Variants in TNKS2 observed in about 807,000 individuals in gnomAD.
TNKS2 encodes poly [ADP-ribose] polymerase tankyrase-2.
A neutral mutation model predicts 137.6 loss-of-function variants in TNKS2; 72 were observed. That is an observed-to-expected ratio of 0.52 (90% CI 0.43 to 0.64). The LOEUF is 0.64. Among genes scored for constraint, TNKS2 ranks in the 30% least tolerant of loss-of-function variants. TNKS2 has a pLI of 0.00. For synonymous variants in TNKS2, 516 were observed against 512.1 expected, an observed-to-expected ratio of 1.01 and a Z score of -0.10; for missense variants, 1,049 against 1,410.2, an observed-to-expected ratio of 0.74 and a Z score of 4.10.
intron 19 of TNKS2, 116 bp from the exon 20 acceptor site, chr10:91,849,396 G>A: frequency 1.4e-6 from 1 of 709,018 alleles, no homozygotes; most frequent in Non-Finnish European, 2.2e-6. Flanking sequence ...ATCCTAAGTG[G>A]CTATTAATAT....
At chr10:91,845,397 T>G (rs1262231444) in intron 17 of TNKS2, among the ~76,000 whole-genome samples, 1 of 152,226 alleles carries the variant, frequency 6.6e-6, no homozygotes, top group Non-Finnish European at 1.5e-5. Flanking sequence ...ACATTCAAAA[T>G]TGACCATCTT....
intron 21 of TNKS2, among the ~76,000 whole-genome samples, chr10:91,853,825 A>T (rs932940223): frequency 6.6e-6 from 1 of 152,196 alleles, no homozygotes; most frequent in African/African-American, 2.4e-5. Flanking sequence ...TTGAACCAGA[A>T]TAGTGCTCTT....
At chr10:91,799,994 A>G (rs10786018) in intron 1 of TNKS2, among the ~76,000 whole-genome samples, 105,808 of 151,992 alleles carry the variant, frequency 0.7, 37,915 homozygotes, top group East Asian at 0.91. Context: ...TTACTTTTAC[A>G]CTTTCTACCA....
At chr10:91,831,069 A>G in intron 10 of TNKS2, 34 bp from the exon 11 acceptor site, 1 of 1,612,802 alleles carries the variant, frequency 6.2e-7, no homozygotes, top group Middle Eastern at 1.7e-4. Flanking sequence ...TTTGGAAAAT[A>G]TATTCACTGT....
chr10:91,842,718 C>T (rs1842248167), intron 16 of TNKS2, among the ~76,000 whole-genome samples: 1 of 152,012 alleles, frequency 6.6e-6, no homozygotes. Context: ...ATGCAATAAG[C>T]CTTGATTGTG....
intron 13 of TNKS2, among the ~76,000 whole-genome samples, chr10:91,838,863 C>G (rs891382563): frequency 6.6e-6 from 1 of 151,998 alleles, no homozygotes; most frequent in East Asian, 1.9e-4. Flanking sequence ...TGGATATATT[C>G]TTTTTGTTTG....
intron 25 of TNKS2, among the ~76,000 whole-genome samples, 197 bp from the exon 26 acceptor site, chr10:91,861,798 GACTA>G (rs1275642358): frequency 9.2e-5 from 14 of 152,158 alleles, no homozygotes; most frequent in Non-Finnish European, 1.9e-4. Flanking sequence ...TTAAAATAAG[GACTA>G]ACTAAATTGA....
intron 1 of TNKS2, among the ~76,000 whole-genome samples, chr10:91,801,074 A>G (rs746444121): frequency 1.3e-5 from 2 of 152,186 alleles, no homozygotes; most frequent in Non-Finnish European, 2.9e-5. Context: ...TTAGCTGATT[A>G]AAGTTTGGAG....
intron 20 of TNKS2, 142 bp from the exon 21 acceptor site, chr10:91,851,074 A>G: frequency 8.8e-7 from 1 of 1,135,610 alleles, no homozygotes; most frequent in South Asian, 1.6e-5. Flanking sequence ...TCAGGTTCTT[A>G]TGCTAAATGG....
At chr10:91,807,468 A>G in intron 1 of TNKS2, 1 of 1,602,952 alleles carries the variant, frequency 6.2e-7, no homozygotes, top group Non-Finnish European at 8.5e-7. Flanking sequence ...AGTAAAGAGA[A>G]GCAAGGCCTC....
intron 6 of TNKS2, among the ~76,000 whole-genome samples, chr10:91,820,373 G>C (rs1306297283): frequency 6.6e-6 from 1 of 152,226 alleles, no homozygotes; most frequent in Admixed American, 6.5e-5. Flanking sequence ...CCCTCAGAAT[G>C]AGGTGTGACT....
intron 13 of TNKS2, 91 bp from the exon 14 acceptor site, chr10:91,840,470 C>A: frequency 8.6e-7 from 1 of 1,165,264 alleles, no homozygotes; most frequent in Non-Finnish European, 1.2e-6. Context: ...GAAAATAAGT[C>A]AGACACTTTG....
chr10:91,826,269 C>T (rs1436716560), intron 7 of TNKS2, among the ~76,000 whole-genome samples: 1 of 152,160 alleles, frequency 6.6e-6, no homozygotes, highest in Non-Finnish European at 1.5e-5. Flanking sequence ...CTTGTGTCGT[C>T]ATGTCGGTAT....
intron 21 of TNKS2, 114 bp from the exon 22 acceptor site, chr10:91,854,915 G>GT (rs1323085275): frequency 4.4e-6 from 2 of 459,160 alleles, no homozygotes; most frequent in Non-Finnish European, 7.4e-6. Flanking sequence ...AAAAAAAAAA[G>GT]TTTAAAAAAA....
Position 91,822,329 on chromosome 10 carries a change from T to G in TNKS2, c.762T>G (p.Tyr254Ter). The G allele has an allele frequency of 6.2e-7, 1 of 1,613,640 alleles. No homozygotes were observed. Among genetic ancestry groups the G allele is most frequent in the Non-Finnish European group, 8.5e-7 (1 of 1,179,758 alleles). ...DLVPLHNACS[Y>*]GHYEVTELLV... Reference sequence around the variant, plus strand: ...TACCATTACACAATGCCTGTTCTTATGGTCATTATGAAGTAACTGAACTTT... The same window carrying G: ...TACCATTACACAATGCCTGTTCTTAGGGTCATTATGAAGTAACTGAACTTT... The change falls in exon 7 of 27, where the codon TAT (tyrosine) becomes TAG (stop). Residue 254 changes from tyrosine to a stop codon, truncating the protein, a stop_gained. Coordinates refer to ENST00000371627, the MANE Select transcript of TNKS2 (RefSeq NM_025235.4). LOFTEE classifies it high-confidence loss of function.
At chr10:91,815,865 G>C (rs192037403) in intron 2 of TNKS2, among the ~76,000 whole-genome samples, 2 of 151,418 alleles carry the variant, frequency 1.3e-5, no homozygotes, top group East Asian at 3.9e-4. Flanking sequence ...TCTTCCTCCA[G>C]CTCCTTATTT....
chr10:91,859,638 A>G lies in TNKS2; in HGVS notation c.3271A>G (p.Ile1091Val). 6.2e-7 allele frequency: 1 copy of G among 1,611,280 alleles called. No individual in the cohort carries two copies. ...AGTTCACAAAGACAGATCTTGTTAC[A>G]TTTGCCACAGGTAAGAGATCACTTG... is the stretch of plus-strand genomic sequence containing the variant. Reference protein sequence around the residue: ...CPVHKDRSCYICHRQLLFCRV... With the variant: ...CPVHKDRSCYVCHRQLLFCRV... The change falls in exon 25 of 27, where the codon ATT becomes GTT. Residue 1091 changes from isoleucine to valine, a missense_variant. This residue lies in a region of TNKS2 where 133 missense variants were observed against 248.4 expected (regional missense o/e 0.54). Transcript: ENST00000371627.
intron 26 of TNKS2, 75 bp from the exon 27 acceptor site, chr10:91,862,862 G>C (rs1397854826): frequency 8.9e-6 from 9 of 1,015,076 alleles, no homozygotes; most frequent in Non-Finnish European, 7.5e-6. Flanking sequence ...CTAAGATTAG[G>C]AATACTTCCG....
In TNKS2 at chr10:91,844,084, A is replaced by G. The variant is rs116131550; in HGVS notation, c.2060-835A>G. On this transcript the variant is annotated intron_variant, in intron 16 of 26. Coordinates refer to ENST00000371627, the MANE Select transcript of TNKS2 (RefSeq NM_025235.4). Reference sequence around the variant, plus strand: ...ATTGGAAGTTGTGCTGTGCATATTTATGTTAGCTTTTATATCTTTCTTGTA... The same window carrying G: ...ATTGGAAGTTGTGCTGTGCATATTTGTGTTAGCTTTTATATCTTTCTTGTA... 1.6e-3 allele frequency among the ~76,000 whole-genome samples: 248 copies of G among 152,282 alleles called. 1 individual carries two copies. Among genetic ancestry groups the G allele is most frequent in the African/African-American group, 5.8e-3 (239 of 41,562 alleles).
Sources: allele counts gnomAD v4.1 joint callset (sites outside exome capture counted in the v4.1 genomes callset), GRCh38; gene constraint gnomAD v4.1.1; regional missense constraint gnomAD v4.1.1; transcripts MANE v1.5; gene names NCBI Gene and HGNC (gene_info 2026-07-23, HGNC 2026-07-21).